SMYD3: variants seen among roughly 807,000 people sequenced by gnomAD.
SMYD3 encodes the protein SET and MYND domain containing 3.
A neutral mutation model predicts 57.7 loss-of-function variants in SMYD3; 36 were observed. The observed-to-expected ratio is 0.62, with a 90% CI of 0.48 to 0.82. The LOEUF is 0.82. SMYD3 is among the 40% of genes least tolerant of loss of function. The pLI is 0.00. For synonymous variants in SMYD3, 211 were observed against 195.0 expected (o/e 1.08, Z -0.68); for missense variants, 515 against 538.8 (o/e 0.96, Z 0.44).
chr1:245,912,527 CAA>C (rs1349617026), intron 8 of SMYD3, among the ~76,000 whole-genome samples: 2 of 151,940 alleles, frequency 1.3e-5, no homozygotes, highest in African/African-American at 4.8e-5. Context: ...CATGAAAACA[CAA>C]AAGACCCCAA....
chr1:245,760,352 C>A (rs895032561), intron 11 of SMYD3, among the ~76,000 whole-genome samples: 3 of 152,114 alleles, frequency 2.0e-5, no homozygotes, highest in African/African-American at 7.2e-5. Context: ...AGAGTATAGC[C>A]TCCCTTTTCC....
chr1:245,825,212 C>A lies in SMYD3; in HGVS notation c.1076+33284G>T, dbSNP rs528869368. Among the ~76,000 whole-genome samples, 3 of 152,228 alleles carry A rather than the reference C, an allele frequency of 2.0e-5. No homozygotes were observed. The East Asian group carries it at 5.8e-4, about 29-fold the overall frequency. ...CACCTCTCCCTGTAATCTTTGCCAG[C>A]GTGTGTCAGCCATCACTCTTGGGAA... On this transcript the variant is annotated intron_variant, in intron 10 of 11. Coordinates refer to ENST00000490107, the MANE Select transcript of SMYD3 (RefSeq NM_001167740.2).
intron 10 of SMYD3, among the ~76,000 whole-genome samples, chr1:245,791,256 G>C (rs1053467319): frequency 6.6e-6 from 1 of 152,132 alleles, no homozygotes; most frequent in African/African-American, 2.4e-5. Flanking sequence ...AATCAGTTGG[G>C]GGAAAGAGAG....
chr1:246,100,681 T>C lies in SMYD3; in HGVS notation c.532-170744A>G, dbSNP rs1167695349. On this transcript the variant is annotated intron_variant, in intron 5 of 11. Transcript: ENST00000490107. ...GGCTCTGCCACGTCCTCTTTCCTTT[T>C]GCACTTTTATTTTTTATATTCCTGA... is the stretch of plus-strand genomic sequence containing the variant. Among the ~76,000 whole-genome samples the C allele has an allele frequency of 2.0e-5, 3 of 152,206 alleles. No individual in the cohort carries two copies. The East Asian group carries it at 5.8e-4, about 29-fold the overall frequency.
intron 5 of SMYD3, among the ~76,000 whole-genome samples, chr1:246,088,599 G>C (rs2060768133): frequency 1.7e-5 from 1 of 59,986 alleles, no homozygotes; most frequent in Non-Finnish European, 3.5e-5. Flanking sequence ...GACAGGGCGA[G>C]ACTCCGTCTC....
At chr1:245,848,642 G>A (rs1312688413) in intron 10 of SMYD3, among the ~76,000 whole-genome samples, 3 of 152,044 alleles carry the variant, frequency 2.0e-5, no homozygotes, top group Non-Finnish European at 4.4e-5. Context: ...GAACTCCTGG[G>A]CTCAAGTTAT....
At chr1:246,216,286 C>CAAAAA (rs761129685) in intron 5 of SMYD3, among the ~76,000 whole-genome samples, 24,780 of 124,002 alleles carry the variant, frequency 0.2, 2,528 homozygotes, top group East Asian at 0.33. Context: ...GACTCCATTT[C>CAAAAA]AAAAAAAAAA....
intron 5 of SMYD3, among the ~76,000 whole-genome samples, chr1:245,983,577 G>A (rs542201789): frequency 6.6e-6 from 1 of 152,316 alleles, no homozygotes; most frequent in East Asian, 1.9e-4. Flanking sequence ...AACCTCCTGT[G>A]TGGGAGTGTT....
At chr1:246,433,171 T>G (rs1431033382) in intron 1 of SMYD3, among the ~76,000 whole-genome samples, 1 of 152,140 alleles carries the variant, frequency 6.6e-6, no homozygotes, top group African/African-American at 2.4e-5. Context: ...TATACCCCTA[T>G]AACATTCAAG....
At chr1:246,107,782 A>G (rs1269342939) in intron 5 of SMYD3, among the ~76,000 whole-genome samples, 1 of 152,232 alleles carries the variant, frequency 6.6e-6, no homozygotes, top group Non-Finnish European at 1.5e-5. Flanking sequence ...TAGGGCAATT[A>G]TAAGTGGATT....
chr1:246,162,768 C>CT (rs2062143886), intron 5 of SMYD3, among the ~76,000 whole-genome samples: 1 of 152,146 alleles, frequency 6.6e-6, no homozygotes, highest in South Asian at 2.1e-4. Flanking sequence ...TTCAACCGTA[C>CT]CATATAACCT....
intron 10 of SMYD3, among the ~76,000 whole-genome samples, chr1:245,839,562 G>T (rs866902671): frequency 1.6e-4 from 24 of 152,142 alleles, no homozygotes; most frequent in African/African-American, 5.8e-4. Flanking sequence ...GGGGGTGACA[G>T]CCAAGGAGCA....
At chr1:245,868,505 G>A (rs1306845118) in intron 8 of SMYD3, among the ~76,000 whole-genome samples, 6 of 152,082 alleles carry the variant, frequency 3.9e-5, no homozygotes, top group Non-Finnish European at 1.5e-5. Context: ...GGGTGAGACC[G>A]CAGCCCAGGG....
chr1:245,889,305 A>G (rs923198722), intron 8 of SMYD3, among the ~76,000 whole-genome samples: 1 of 152,210 alleles, frequency 6.6e-6, no homozygotes, highest in African/African-American at 2.4e-5. Context: ...CTTAATTTCT[A>G]TAGAGAGTGA....
At chr1:246,505,781 GTGTCAC>G (rs2068528249) in intron 1 of SMYD3, among the ~76,000 whole-genome samples, 1 of 152,192 alleles carries the variant, frequency 6.6e-6, no homozygotes. Flanking sequence ...ACAATTCCGT[GTGTCAC>G]AAGACTCAAC....
chr1:246,026,788 T>G (rs1465223762), intron 5 of SMYD3, among the ~76,000 whole-genome samples: 1 of 152,184 alleles, frequency 6.6e-6, no homozygotes, highest in Non-Finnish European at 1.5e-5. Flanking sequence ...AACCTTACAA[T>G]GGCCTCTAAG....
At chr1:246,364,835 C>T (rs1472765002) in intron 1 of SMYD3, among the ~76,000 whole-genome samples, 1 of 152,210 alleles carries the variant, frequency 6.6e-6, no homozygotes, top group Non-Finnish European at 1.5e-5. Flanking sequence ...ATTGTAACCA[C>T]ACACCACACT....
intron 5 of SMYD3, among the ~76,000 whole-genome samples, chr1:246,084,791 T>C (rs910521873): frequency 1.3e-5 from 2 of 152,232 alleles, no homozygotes; most frequent in East Asian, 3.8e-4. Flanking sequence ...AACAAAAGAA[T>C]GTAAATTGAT....
At chr1:245,788,517 G>A (rs1029668342) in intron 10 of SMYD3, among the ~76,000 whole-genome samples, 4 of 152,294 alleles carry the variant, frequency 2.6e-5, no homozygotes, top group Admixed American at 2.6e-4. Flanking sequence ...ACTGTTTAGA[G>A]CCAGAAGGAA....
Sources: gnomAD v4.1 joint callset for allele counts (sites outside exome capture counted in the v4.1 genomes callset) on GRCh38, gnomAD v4.1.1 for gene constraint, MANE v1.5 for transcripts, NCBI Gene and HGNC (gene_info 2026-07-23, HGNC 2026-07-21) for gene names.